TMPRSS9: variants seen among roughly 807,000 people sequenced by gnomAD.
TMPRSS9 encodes transmembrane protease serine 9.
In TMPRSS9, 113 loss-of-function variants were observed where a neutral mutation model predicts 111.4. The observed-to-expected ratio is 1.01, with a 90% confidence interval of 0.87 to 1.19. The LOEUF (loss-of-function observed/expected upper bound fraction) is 1.19, where lower values mean the gene tolerates loss of function less well. Among genes scored for constraint, TMPRSS9 ranks in the 50% most tolerant of loss-of-function variants. The pLI is 0.00. For missense variants in TMPRSS9, 1,803 were observed against 1,513.1 expected, an observed-to-expected ratio of 1.19 and a Z score of -3.18; for synonymous variants, 805 against 659.1, an observed-to-expected ratio of 1.22 and a Z score of -3.39.
chr19:2,368,813 C>T (rs1970267903), intron 1 of TMPRSS9, among the ~76,000 whole-genome samples: 1 of 50,538 alleles, frequency 2.0e-5, no homozygotes, highest in Non-Finnish European at 4.0e-5. Flanking sequence ...AAGACAGAGT[C>T]TCACTCTGTC....
intron 10 of TMPRSS9, among the ~76,000 whole-genome samples, chr19:2,414,985 G>A (rs1163373356): frequency 1.4e-4 from 18 of 130,992 alleles, no homozygotes; most frequent in East Asian, 4.6e-4. Context: ...CACTCTTGTC[G>A]CCCAGGCTGG....
chr19:2,379,615 C>CTCTTTCCT (rs1555676517), intron 1 of TMPRSS9, among the ~76,000 whole-genome samples: 5 of 118,618 alleles, frequency 4.2e-5, no homozygotes, highest in East Asian at 2.6e-4. Flanking sequence ...AACTTTCTTT[C>CTCTTTCCT]TCTTTCTTTC....
intron 1 of TMPRSS9, among the ~76,000 whole-genome samples, chr19:2,377,410 C>T (rs552228027): frequency 2.8e-5 from 4 of 143,538 alleles, no homozygotes; most frequent in South Asian, 4.6e-4. Flanking sequence ...GCTGGTATTA[C>T]AGGCATGAGC....
rs138712381 is a variant in TMPRSS9, at chr19:2,364,689, C to T, written c.-26+4329C>T. Among the ~76,000 whole-genome samples, 492 of 152,086 alleles carry T rather than the reference C, an allele frequency of 3.2e-3. 2 individuals are homozygous for T. Among genetic ancestry groups the T allele is most frequent in the African/African-American group, 0.01 (432 of 41,504 alleles). On this transcript the variant is annotated intron_variant, in intron 1 of 17. Coordinates refer to the TMPRSS9 transcript ENST00000649857. ...TGCGTTGACACCTTTGACCACAGAA[C>T]AAAGAGCAAAACTGGGCCGGGAACG...
intron 1 of TMPRSS9, among the ~76,000 whole-genome samples, chr19:2,375,417 T>G (rs1568169395): frequency 8.3e-6 from 1 of 120,070 alleles, no homozygotes; most frequent in Non-Finnish European, 1.6e-5. Flanking sequence ...CAATCACTGA[T>G]GGGGATGGAG....
At chr19:2,403,300 C>T in intron 6 of TMPRSS9, 105 bp downstream of exon 7, 1 of 960,092 alleles carries the variant, frequency 1.0e-6, no homozygotes, top group Non-Finnish European at 1.6e-6. Flanking sequence ...GGCACACAGG[C>T]CTGGCATTTA....
At chr19:2,387,615 C>T (rs1395383756), upstream of TMPRSS9, among the ~76,000 whole-genome samples, 3 of 151,954 alleles carry the variant, frequency 2.0e-5, no homozygotes, top group Admixed American at 6.6e-5. Flanking sequence ...GGCGTGGTGA[C>T]GTACACCTGT....
At chr19:2,416,925 C>G (rs937498037) in intron 12 of TMPRSS9, 116 bp downstream of exon 13, 1 of 1,305,478 alleles carries the variant, frequency 7.7e-7, no homozygotes, top group Admixed American at 2.7e-5. Flanking sequence ...GCACAGGGAC[C>G]TCTGTGGCTG....
chr19:2,380,027 C>T (rs1278472007), intron 1 of TMPRSS9, among the ~76,000 whole-genome samples: 5 of 152,076 alleles, frequency 3.3e-5, no homozygotes, highest in Non-Finnish European at 5.9e-5. Flanking sequence ...GCTGGGATTA[C>T]AGGCATGAGC....
upstream of TMPRSS9, among the ~76,000 whole-genome samples, chr19:2,387,226 G>T (rs1568173721): frequency 6.6e-6 from 1 of 152,020 alleles, no homozygotes. Flanking sequence ...TGGGTGAGGT[G>T]GCTCATGCCT....
intron 1 of TMPRSS9, among the ~76,000 whole-genome samples, chr19:2,379,734 C>T (rs79729128): frequency 0.1 from 15,082 of 145,538 alleles, 1,577 homozygotes; most frequent in African/African-American, 0.27. Context: ...TTCTCTTTCT[C>T]TCTCTCTCTC....
chr19:2,395,558 C>T (rs1320719490), intron 1 of TMPRSS9, among the ~76,000 whole-genome samples: 6 of 152,088 alleles, frequency 3.9e-5, no homozygotes, highest in African/African-American at 1.2e-4. Flanking sequence ...GAAACCCCAT[C>T]TGTACTAGCT....
At chr19:2,380,598 C>CAAA (rs112276283) in intron 1 of TMPRSS9, among the ~76,000 whole-genome samples, 1 of 110,870 alleles carries the variant, frequency 9.0e-6, no homozygotes, top group Non-Finnish European at 1.8e-5. Context: ...AAGACTCCAC[C>CAAA]AAAAAAAAAA....
intron 1 of TMPRSS9, among the ~76,000 whole-genome samples, chr19:2,374,246 ATCTTTTTTTTTT>A (rs1970312389): frequency 9.0e-6 from 1 of 110,544 alleles, no homozygotes; most frequent in African/African-American, 3.2e-5. Flanking sequence ...TCTCTCAACA[ATCTTTTTTTTTT>A]TTTTTTTTTT....
chr19:2,371,067 C>G (rs73919616), intron 1 of TMPRSS9, among the ~76,000 whole-genome samples: 40 of 152,206 alleles, frequency 2.6e-4, no homozygotes, highest in African/African-American at 9.2e-4. Flanking sequence ...TGTCACCCTA[C>G]TCCCTGGCCC....
exon 4 of TMPRSS9, chr19:2,399,092 G>A: frequency 6.2e-7 from 1 of 1,613,696 alleles, no homozygotes; most frequent in African/African-American, 1.3e-5. Context: ...CTGAGCCTGG[G>A]CCTGGAGGAG....
chr19:2,379,715 TTCC>T (rs1455404204), intron 1 of TMPRSS9, among the ~76,000 whole-genome samples: 105 of 150,508 alleles, frequency 7.0e-4, no homozygotes, highest in African/African-American at 2.5e-3. Flanking sequence ...CCTCTCTCCC[TTCC>T]TCTTTTTCTC....
At chr19:2,379,732 C>CTT (rs1970371643) in intron 1 of TMPRSS9, among the ~76,000 whole-genome samples, 1 of 141,350 alleles carries the variant, frequency 7.1e-6, no homozygotes, top group African/African-American at 2.6e-5. Flanking sequence ...TTTTCTCTTT[C>CTT]TCTCTCTCTC....
At chr19:2,422,215 C>T in exon 14 of TMPRSS9, 2 of 1,520,602 alleles carry the variant, frequency 1.3e-6, no homozygotes, top group Non-Finnish European at 1.8e-6. Flanking sequence ...TTTCCAGACG[C>T]CCCGGAGGCC....
Sources: gnomAD v4.1 joint callset for allele counts (sites outside exome capture counted in the v4.1 genomes callset) on GRCh38, gnomAD v4.1.1 for gene constraint, MANE v1.5 for transcripts, NCBI Gene and HGNC (gene_info 2026-07-23, HGNC 2026-07-21) for gene names.